The following ATG7 variants were observed in gnomAD, a reference collection of about 807,000 sequenced individuals.
ATG7 encodes the protein ubiquitin-like modifier-activating enzyme ATG7.
In ATG7, 70 loss-of-function variants were observed where a neutral mutation model predicts 82.4. The observed-to-expected ratio is 0.85, with a 90% CI of 0.70 to 1.04. The LOEUF (loss-of-function observed/expected upper bound fraction) is 1.04, where lower values mean the gene tolerates loss of function less well. ATG7 is among the 50% of genes least tolerant of loss of function. The pLI is 0.00. For synonymous variants in ATG7, 287 were observed against 313.0 expected, an observed-to-expected ratio of 0.92 and a Z score of 0.88; for missense variants, 792 against 864.3, an observed-to-expected ratio of 0.92 and a Z score of 1.05.
intron 19 of ATG7, among the ~76,000 whole-genome samples, chr3:11,411,885 A>C (rs2080936190): frequency 6.6e-6 from 1 of 151,490 alleles, no homozygotes; most frequent in South Asian, 2.1e-4. Context: ...TTTTGAGTTA[A>C]TTTTTTAATA....
Position 11,358,418 on chromosome 3 carries a change from A to G in ATG7, c.1285A>G (p.Asn429Asp). Residue 429 changes from asparagine (N) to aspartate (D), a missense_variant and splice_region_variant, in exon 15 of 21, where the codon AAT (asparagine) becomes GAT (aspartate). Transcript: ENST00000693202. ...TAACTACGTCCTGGTGTTTCCCTAG[A>G]ATGCCAGAGGATTCAACATGAGCAT... ...DRLQKIFPGV[N>D]ARGFNMSIPM... 1.2e-6 allele frequency: 2 copies of G among 1,610,968 alleles called. No individual in the cohort carries two copies. Among genetic ancestry groups the G allele is most frequent in the Non-Finnish European group, 8.5e-7 (1 of 1,178,508 alleles).
chr3:11,345,120 G>C (rs1954301905), intron 13 of ATG7, among the ~76,000 whole-genome samples: 1 of 151,276 alleles, frequency 6.6e-6, no homozygotes, highest in Non-Finnish European at 1.5e-5. Context: ...TAAGAATTTT[G>C]TTGGGCCGGG....
chr3:11,389,571 C>T (rs923266874), intron 19 of ATG7, among the ~76,000 whole-genome samples: 1 of 151,890 alleles, frequency 6.6e-6, no homozygotes, highest in Non-Finnish European at 1.5e-5. Context: ...GGGAAAATAC[C>T]GCCTGTGTGG....
intron 5 of ATG7, among the ~76,000 whole-genome samples, chr3:11,306,226 T>G (rs537025958): frequency 6.6e-6 from 1 of 152,328 alleles, no homozygotes; most frequent in South Asian, 2.1e-4. Flanking sequence ...GTCAGGGGCT[T>G]GCCCAGCAGC....
At chr3:11,287,599 G>C (rs549942862) in intron 3 of ATG7, among the ~76,000 whole-genome samples, 11 of 152,342 alleles carry the variant, frequency 7.2e-5, no homozygotes, top group African/African-American at 2.4e-4. Flanking sequence ...GTAGAATGCT[G>C]CTGATGCAGT....
chr3:11,457,038 G>GT (rs1370391984), intron 20 of ATG7, among the ~76,000 whole-genome samples: 6 of 152,186 alleles, frequency 3.9e-5, no homozygotes, highest in Non-Finnish European at 8.8e-5. Flanking sequence ...GCTTTGCAGG[G>GT]TTTTTACTCA....
intron 20 of ATG7, among the ~76,000 whole-genome samples, chr3:11,457,151 C>T (rs1394633806): frequency 6.6e-6 from 1 of 152,170 alleles, no homozygotes; most frequent in Admixed American, 6.5e-5. Flanking sequence ...AAGAAAACAG[C>T]TTACCCAAAT....
chr3:11,550,781 GT>G (rs1559830029), intron 20 of ATG7, among the ~76,000 whole-genome samples: 5 of 151,936 alleles, frequency 3.3e-5, no homozygotes. Context: ...CTTTTTGACT[GT>G]TTTCCCGTGC....
intron 20 of ATG7, among the ~76,000 whole-genome samples, chr3:11,486,820 G>GTT (rs34251925): frequency 0.011 from 1,409 of 131,490 alleles, 14 homozygotes; most frequent in African/African-American, 0.029. Flanking sequence ...CTTTGGTTCT[G>GTT]TTTTTTTTTT....
intron 19 of ATG7, among the ~76,000 whole-genome samples, chr3:11,404,125 A>ATTTTTTTTTTT (rs10591303): frequency 1.3e-5 from 1 of 76,926 alleles, no homozygotes; most frequent in Non-Finnish European, 2.3e-5. Flanking sequence ...AACCAGCTCA[A>ATTTTTTTTTTT]TTTTTTTTTT....
In ATG7 at chr3:11,440,674, C is replaced by CTTTTTTTTTTTTTTTTTT. The variant is rs72177700; in HGVS notation, c.2079+13757_2079+13774dup. ...TTAGGGAAGAGTTGGTCCCCATTTGCTTTTTTTTTTTTTTTTTTTTTTTTT... is the reference window on the plus strand; with the variant it reads ...TTAGGGAAGAGTTGGTCCCCATTTGCTTTTTTTTTTTTTTTTTTTTTTTTTTTTTTTTTTTTTTTTTTT... On this transcript the variant is annotated intron_variant, in intron 20 of 20. Transcript: ENST00000693202. Among the ~76,000 whole-genome samples the CTTTTTTTTTTTTTTTTTT allele has an allele frequency of 3.5e-4, 14 of 39,492 alleles. 4 individuals carry two copies. The highest frequency in any genetic ancestry group is 1.6e-3 in the South Asian group (1 of 630). The allele number at this position is 39,492 out of a possible 152,430, so 25.9% of individuals were successfully genotyped here.
chr3:11,472,716 T>C (rs1405803340), intron 20 of ATG7, among the ~76,000 whole-genome samples: 1 of 152,200 alleles, frequency 6.6e-6, no homozygotes, highest in East Asian at 1.9e-4. Context: ...TTTTGGTAAA[T>C]GCCTACCTCC....
At chr3:11,538,542 A>G (rs1255098992) in intron 20 of ATG7, among the ~76,000 whole-genome samples, 2 of 151,918 alleles carry the variant, frequency 1.3e-5, no homozygotes, top group African/African-American at 2.4e-5. Flanking sequence ...TTTGAATATG[A>G]CACAGAATAG....
At chr3:11,477,701 G>A (rs1400659994) in intron 20 of ATG7, among the ~76,000 whole-genome samples, 2 of 152,178 alleles carry the variant, frequency 1.3e-5, no homozygotes, top group African/African-American at 2.4e-5. Context: ...TGCTTATGTA[G>A]TTGGAATGTT....
At chr3:11,396,101 T>A (rs2079245647) in intron 19 of ATG7, among the ~76,000 whole-genome samples, 1 of 149,378 alleles carries the variant, frequency 6.7e-6, no homozygotes. Flanking sequence ...ATCCAAAACG[T>A]TAAATCAGAA....
At chr3:11,325,097 GAAC>G (rs1452997385) in intron 9 of ATG7, among the ~76,000 whole-genome samples, 1 of 152,170 alleles carries the variant, frequency 6.6e-6, no homozygotes, top group East Asian at 1.9e-4. Flanking sequence ...TCTAGCCTAG[GAAC>G]AACAAGCTAT....
chr3:11,539,235 C>T (rs567259317), intron 20 of ATG7, among the ~76,000 whole-genome samples: 1 of 152,114 alleles, frequency 6.6e-6, no homozygotes, highest in Admixed American at 6.5e-5. Flanking sequence ...AACAGCCCTA[C>T]GAGGGAGACA....
chr3:11,386,986 T>C (rs2078368094), intron 19 of ATG7, among the ~76,000 whole-genome samples: 1 of 152,240 alleles, frequency 6.6e-6, no homozygotes, highest in Non-Finnish European at 1.5e-5. Flanking sequence ...ATCCATACAG[T>C]GGGGAAAATA....
intron 20 of ATG7, among the ~76,000 whole-genome samples, chr3:11,518,822 A>G (rs544782893): frequency 5.9e-5 from 9 of 152,316 alleles, no homozygotes; most frequent in Non-Finnish European, 1.3e-4. Context: ...AATTCTAACA[A>G]TTATTTCTGA....
Sources: gnomAD v4.1 joint callset for allele counts (sites outside exome capture counted in the v4.1 genomes callset) on GRCh38, gnomAD v4.1.1 for gene constraint, MANE v1.5 for transcripts, NCBI Gene and HGNC (gene_info 2026-07-23, HGNC 2026-07-21) for gene names.